MCAT: variants seen among roughly 807,000 people sequenced by gnomAD.
MCAT encodes the protein malonyl-CoA-acyl carrier protein transacylase, mitochondrial.
In MCAT, 22 loss-of-function variants were observed where a neutral mutation model predicts 22.9. The ratio of observed to expected loss-of-function variants is 0.96; its 90% CI spans 0.69 to 1.37. MCAT has a LOEUF of 1.37. Among genes scored for constraint, MCAT ranks in the 40% most tolerant of loss-of-function variants. MCAT has a pLI of 0.00. For synonymous variants in MCAT, 240 were observed against 233.9 expected, an observed-to-expected ratio of 1.03 and a Z score of -0.24; for missense variants, 534 against 533.6, an observed-to-expected ratio of 1.00 and a Z score of -0.01.
At chr22:43,139,391 T>C (rs1930706960) in intron 2 of MCAT, among the ~76,000 whole-genome samples, 2 of 151,908 alleles carry the variant, frequency 1.3e-5, no homozygotes, top group African/African-American at 4.8e-5. Context: ...CTGGGCATGA[T>C]GGTGTGAGCC....
rs201751229 is a variant in MCAT, at chr22:43,133,387, C to T, written c.829G>A (p.Ala277Thr). Residue 277 changes from alanine to threonine, a missense_variant, in exon 4 of 4, where the codon GCC (alanine) becomes ACC (threonine). Coordinates refer to ENST00000290429, the MANE Select transcript of MCAT (RefSeq NM_173467.5). ...AAAGCTTGCGTCAGGGGCTCCACGG[C>T]TGGCTCCATGAGGCGGGTGTGGAAT... ...GAFHTRLMEP[A>T]VEPLTQALKA... 4 of 1,614,130 alleles carry T rather than the reference C, an allele frequency of 2.5e-6. No individual in the cohort carries two copies. In the East Asian group the frequency reaches 6.7e-5, roughly 27 times the overall value.
chr22:43,140,897 T>C (rs1168942038), intron 2 of MCAT: 1 of 448,902 alleles, frequency 2.2e-6, no homozygotes, highest in East Asian at 3.4e-5. Context: ...TTGCAGGTGC[T>C]GCAGGTATGA....
At position 43,143,230 on chromosome 22, in the gene MCAT, C is replaced by G. The variant is rs1311922454; in HGVS notation, c.119G>C (p.Arg40Pro). ...PGAQGVAELL[R>P]DATGAEEEAP... ...CTCCTCCTCCGCCCCGGTCGCATCT[C>G]GCAGCAGCTCCGCTACACCCTGGGC... The change falls in exon 1 of 4, where the codon CGA becomes CCA. Residue 40 changes from arginine (R) to proline (P), a missense_variant. Coordinates refer to ENST00000290429, the MANE Select transcript of MCAT (RefSeq NM_173467.5). 6.6e-7 allele frequency: 1 copy of G among 1,513,524 alleles called. No individual in the cohort carries two copies. The highest frequency in any genetic ancestry group is 8.8e-7 in the Non-Finnish European group (1 of 1,140,982). 93.8% of individuals were successfully genotyped at this position (1,513,524 alleles called of 1,614,324 possible). A position where few individuals can be genotyped will look rare whatever the true frequency, so the allele number is the denominator to read the frequency against.
At chr22:43,134,512 T>G (rs1930548857) in intron 3 of MCAT, among the ~76,000 whole-genome samples, 1 of 152,106 alleles carries the variant, frequency 6.6e-6, no homozygotes, top group African/African-American at 2.4e-5. Flanking sequence ...CACGCCTGGC[T>G]AAGTTTTAGT....
In MCAT at chr22:43,143,050, TAGCCCAGC is replaced by T; in HGVS notation, c.291_298del (p.Leu98ArgfsTer44). The T allele has an allele frequency of 6.2e-7, 1 of 1,610,598 alleles. No homozygotes were observed. The highest frequency in any genetic ancestry group is 8.5e-7 in the Non-Finnish European group (1 of 1,179,308). ...GTGCAGGCTCAGTTCCAGCAGGTCG[TAGCCCAGC>T]ACGCGGCGGGCGGCGGCGTAGAGTT... On this transcript the variant is annotated frameshift_variant, in exon 1 of 4. Transcript: ENST00000290429. LOFTEE classifies it high-confidence loss of function.
At chr22:43,142,070 G>A (rs1290008460) in intron 1 of MCAT, among the ~76,000 whole-genome samples, 1 of 152,230 alleles carries the variant, frequency 6.6e-6, no homozygotes, top group Non-Finnish European at 1.5e-5. Flanking sequence ...CCCTGAGTCT[G>A]CATTCCTCAA....
rs200909067 is a variant in MCAT at position 43,137,446 on chromosome 22, C to T, written c.512-148G>A. 1.3e-4 allele frequency: 82 copies of T among 642,914 alleles called. No individual in the cohort carries two copies. The East Asian group carries it at 2.2e-3, about 17-fold the overall frequency. The allele number at this position is 642,914 out of a possible 1,614,324, so 39.8% of individuals were successfully genotyped here. A position where few individuals can be genotyped will look rare whatever the true frequency, so the allele number is the denominator to read the frequency against. On this transcript the variant is annotated intron_variant, in intron 2 of 3. Transcript: ENST00000290429. ...CAGCCAGCAGGGCCACAGTTCCACACACCTCCATCGACTGCACAAGCGCTC... is the reference window on the plus strand; with the variant it reads ...CAGCCAGCAGGGCCACAGTTCCACATACCTCCATCGACTGCACAAGCGCTC...
At chr22:43,137,319 T>C in intron 2 of MCAT, 21 bp from the exon 3 acceptor site, 1 of 1,602,264 alleles carries the variant, frequency 6.2e-7, no homozygotes, top group Non-Finnish European at 8.5e-7. Context: ...AGAAGCGCAT[T>C]TGGAAAAATG....
At chr22:43,136,960 A>G in intron 3 of MCAT, 121 bp downstream of exon 3, 1 of 842,004 alleles carries the variant, frequency 1.2e-6, no homozygotes, top group South Asian at 1.5e-5. Context: ...TGGCCCCAAA[A>G]TACTTCCTAA....
intron 1 of MCAT, among the ~76,000 whole-genome samples, chr22:43,141,805 C>G (rs1204673107): frequency 6.6e-6 from 1 of 152,158 alleles, no homozygotes; most frequent in Non-Finnish European, 1.5e-5. Context: ...CTCCTGACCT[C>G]GTGATGCACC....
chr22:43,141,276 C>G (rs1270497691), intron 1 of MCAT, 27 bp from the exon 2 acceptor site: 1 of 1,583,794 alleles, frequency 6.3e-7, no homozygotes, highest in South Asian at 1.1e-5. Flanking sequence ...AGAACGTGAG[C>G]CCTCACTCTC....
Position 43,142,953 on chromosome 22 carries a change from G to T in MCAT, c.396C>A (p.Val132=), listed in dbSNP as rs772329338. 5 of 1,588,728 alleles carry T rather than the reference G, an allele frequency of 3.1e-6. No individual in the cohort carries two copies. Among genetic ancestry groups the T allele is most frequent in the Admixed American group, 1.7e-5 (1 of 57,854 alleles). Residue 132 remains valine, a synonymous_variant, in exon 1 of 4, where the codon GTC becomes GTA. Coordinates refer to ENST00000290429, the MANE Select transcript of MCAT (RefSeq NM_173467.5). Reference sequence around the variant, plus strand: ...AGGGCTGCAGGTGATGTAGTTTCTCGACAGCGGCCAGCGATGCCACGAAGA... The same window carrying T: ...AGGGCTGCAGGTGATGTAGTTTCTCTACAGCGGCCAGCGATGCCACGAAGA... ...PAIFVASLAA[V]EKLHHLQPSV... is the part of the protein sequence containing the mutation.
intron 3 of MCAT, among the ~76,000 whole-genome samples, chr22:43,136,192 C>T (rs1569472008): frequency 6.6e-6 from 1 of 152,136 alleles, no homozygotes; most frequent in Admixed American, 6.5e-5. Flanking sequence ...TGCAGTGAGC[C>T]GTGATGGTGC....
intron 3 of MCAT, among the ~76,000 whole-genome samples, chr22:43,135,763 C>T (rs1355917614): frequency 6.6e-6 from 1 of 152,140 alleles, no homozygotes; most frequent in Non-Finnish European, 1.5e-5. Context: ...CTCACTACTT[C>T]AGAGGAGGCA....
chr22:43,134,234 C>T (rs529088717), intron 3 of MCAT, among the ~76,000 whole-genome samples: 1 of 152,344 alleles, frequency 6.6e-6, no homozygotes, highest in Non-Finnish European at 1.5e-5. Context: ...AAGGAAAGAG[C>T]TCTCCTCTTG....
At position 43,143,237 on chromosome 22, in the gene MCAT, G is replaced by C. The variant is rs1484636837; in HGVS notation, c.112C>G (p.Leu38Val). ...PPPGAQGVAE[L>V]LRDATGAEEE... is the part of the protein sequence containing the mutation. Reference sequence around the variant, plus strand: ...TCCGCCCCGGTCGCATCTCGCAGCAGCTCCGCTACACCCTGGGCGCCCGGC... The same window carrying C: ...TCCGCCCCGGTCGCATCTCGCAGCACCTCCGCTACACCCTGGGCGCCCGGC... Residue 38 changes from leucine to valine, a missense_variant, in exon 1 of 4, where the codon CTG (leucine) becomes GTG (valine). Physicochemically the swap from Leu to Val is conservative, Grantham distance 32 (BLOSUM62 1). Coordinates refer to ENST00000290429, the MANE Select transcript of MCAT (RefSeq NM_173467.5). 8 of 1,508,910 alleles carry C rather than the reference G, an allele frequency of 5.3e-6. No homozygotes were observed. The highest frequency in any genetic ancestry group is 7.0e-6 in the Non-Finnish European group (8 of 1,138,920). 93.5% of individuals were successfully genotyped at this position (1,508,910 alleles called of 1,614,324 possible).
At position 43,133,018 on chromosome 22, in the gene MCAT, G is replaced by T. The variant is rs76161724; in HGVS notation, c.*25C>A. 3,986 of 1,603,376 alleles carry T rather than the reference G, an allele frequency of 2.5e-3. 92 individuals carry two copies. In the African/African-American group the frequency reaches 0.048, roughly 19 times the overall value. On this transcript the variant is annotated 3_prime_UTR_variant, in exon 4 of 4. Coordinates refer to ENST00000290429, the MANE Select transcript of MCAT (RefSeq NM_173467.5). ...GCCTCTCCTCAGGAGGACAGAGGGG[G>T]TCATCGCATTTGAGCCCCCTGCAGT... is the stretch of plus-strand genomic sequence containing the variant.
intron 3 of MCAT, 22 bp from the exon 4 acceptor site, chr22:43,133,508 A>G (rs774682067): frequency 2.5e-6 from 4 of 1,574,478 alleles, no homozygotes; most frequent in South Asian, 1.1e-5. Flanking sequence ...AGGAGGTTTC[A>G]GCCGAGCAAT....
In MCAT at chr22:43,132,796, C is replaced by G; in HGVS notation, c.*247G>C. ...GGCGGGGCCAGGATTCTAGCTTCCC[C>G]ACACACCAGCCCTGTGGCATCATTC... On this transcript the variant is annotated 3_prime_UTR_variant, in exon 4 of 4. Coordinates refer to ENST00000290429, the MANE Select transcript of MCAT (RefSeq NM_173467.5). 1 of 516,906 alleles carries G rather than the reference C, an allele frequency of 1.9e-6. No homozygotes were observed. Among genetic ancestry groups the G allele is most frequent in the Non-Finnish European group, 3.5e-6 (1 of 286,176 alleles). 32.0% of individuals were successfully genotyped at this position (516,906 alleles called of 1,614,324 possible).
Sources: gnomAD v4.1 joint callset for allele counts (sites outside exome capture counted in the v4.1 genomes callset) on GRCh38, gnomAD v4.1.1 for gene constraint, MANE v1.5 for transcripts, NCBI Gene and HGNC (gene_info 2026-07-23, HGNC 2026-07-21) for gene names.